Variants in RNF145 observed in about 807,000 individuals in gnomAD.
The protein encoded by RNF145 is ring finger protein 145.
A neutral mutation model predicts 57.3 loss-of-function variants in RNF145; 12 were observed. The observed-to-expected ratio is 0.21, with a 90% CI of 0.13 to 0.34. RNF145 has a LOEUF of 0.34. Ranked by LOEUF, RNF145 falls within the 10% of genes least tolerant of loss-of-function variation. The pLI is 1.00. For synonymous variants in RNF145, 262 were observed against 288.3 expected (o/e 0.91, Z 0.92); for missense variants, 429 against 799.0 (o/e 0.54, Z 5.58).
intron 5 of RNF145, 127 bp from the exon 6 acceptor site, chr5:159,174,285 T>G: frequency 1.5e-6 from 1 of 658,296 alleles, no homozygotes; most frequent in Non-Finnish European, 2.5e-6. Context: ...TTCAGCTAAA[T>G]TCCTTTAAAG....
intron 2 of RNF145, among the ~76,000 whole-genome samples, chr5:159,195,617 T>TA (rs1218745092): frequency 6.6e-6 from 1 of 152,204 alleles, no homozygotes; most frequent in Non-Finnish European, 1.5e-5. Flanking sequence ...GCTCTGTTCA[T>TA]ATGGATTTCC....
rs966496567 is a variant in RNF145, at chr5:159,160,622, TTTG to T, written c.1626+641_1626+643del. ...GATTGATGATTAAACTCTAGGTCTT[TTTG>T]TTGTTGTTTTATTTCCAAAGTGATT... On this transcript the variant is annotated intron_variant, in intron 10 of 10. Coordinates refer to ENST00000424310, the MANE Select transcript of RNF145 (RefSeq NM_001199383.2). Among the ~76,000 whole-genome samples, 19 of 152,328 alleles carry T rather than the reference TTTG, an allele frequency of 1.2e-4. No homozygotes were observed. In the South Asian group the frequency reaches 1.9e-3, roughly 15 times the overall value.
intron 2 of RNF145, among the ~76,000 whole-genome samples, chr5:159,202,472 T>C (rs1302515885): frequency 6.6e-6 from 1 of 152,206 alleles, no homozygotes; most frequent in Non-Finnish European, 1.5e-5. Context: ...TTGTTTCTAG[T>C]GCACCATCTC....
chr5:159,171,159 A>T (rs1024686953), intron 6 of RNF145, among the ~76,000 whole-genome samples: 2 of 152,242 alleles, frequency 1.3e-5, no homozygotes, highest in Non-Finnish European at 2.9e-5. Flanking sequence ...GCTAATAACT[A>T]GAAAAAAATA....
At chr5:159,193,665 C>T (rs558053680) in intron 3 of RNF145, among the ~76,000 whole-genome samples, 46 of 152,246 alleles carry the variant, frequency 3.0e-4, no homozygotes, top group African/African-American at 1.1e-3. Flanking sequence ...TTTACATTTT[C>T]TGTATTTTCC....
At chr5:159,209,058 A>AT (rs1474925546) in intron 1 of RNF145, among the ~76,000 whole-genome samples, 173 bp downstream of exon 1, 1 of 151,042 alleles carries the variant, frequency 6.6e-6, no homozygotes, top group Non-Finnish European at 1.5e-5. Context: ...TGAAGAGGGG[A>AT]TGTGGACTCC....
chr5:159,178,418 T>C (rs1434801780), intron 4 of RNF145, among the ~76,000 whole-genome samples: 2 of 152,008 alleles, frequency 1.3e-5, no homozygotes, highest in East Asian at 3.8e-4. Context: ...TGATCTATTC[T>C]AATGATGGTA....
At chr5:159,207,718 C>T (rs760666634) in intron 1 of RNF145, 9 of 1,612,838 alleles carry the variant, frequency 5.6e-6, no homozygotes, top group Non-Finnish European at 7.6e-6. Flanking sequence ...GCTGGTCCTC[C>T]CCACTCCCAC....
At chr5:159,209,204 A>G (rs1451186494) in intron 1 of RNF145, 27 bp downstream of exon 1, 2 of 967,954 alleles carry the variant, frequency 2.1e-6, no homozygotes, top group African/African-American at 3.6e-5. Context: ...CGGGGATGGG[A>G]AGGGGCCGGG....
chr5:159,194,832 A>G lies in RNF145; in HGVS notation c.185-8T>C. ...CCACACTTAAGATATAACCTGTACCAGAAAGATAAATAAAATACAATTTTA... is the reference window on the plus strand; with the variant it reads ...CCACACTTAAGATATAACCTGTACCGGAAAGATAAATAAAATACAATTTTA... On this transcript the variant is annotated splice_polypyrimidine_tract_variant and splice_region_variant and intron_variant, in intron 2 of 10. Transcript: ENST00000424310. 6.5e-7 allele frequency: 1 copy of G among 1,532,276 alleles called. No individual in the cohort carries two copies. Among genetic ancestry groups the G allele is most frequent in the Non-Finnish European group, 8.9e-7 (1 of 1,120,326 alleles). The allele number at this position is 1,532,276 out of a possible 1,614,324, so 94.9% of individuals were successfully genotyped here. A position where few individuals can be genotyped will look rare whatever the true frequency, so the allele number is the denominator to read the frequency against.
chr5:159,207,591 C>G (rs1261428374), intron 1 of RNF145: 1 of 1,593,242 alleles, frequency 6.3e-7, no homozygotes, highest in South Asian at 1.1e-5. Flanking sequence ...GTAGGCCTCA[C>G]TGAAAATGTT....
intron 3 of RNF145, 73 bp from the exon 4 acceptor site, chr5:159,182,124 C>A: frequency 2.2e-6 from 2 of 893,596 alleles, no homozygotes; most frequent in Non-Finnish European, 3.6e-6. Flanking sequence ...CTTATAAAAG[C>A]ATATTATGTT....
At chr5:159,198,210 C>A (rs576732289) in intron 2 of RNF145, among the ~76,000 whole-genome samples, 21 of 151,236 alleles carry the variant, frequency 1.4e-4, no homozygotes, top group African/African-American at 4.4e-4. Context: ...CCACTGCACT[C>A]CAATCTGGGC....
chr5:159,209,186 G>A, intron 1 of RNF145, 45 bp downstream of exon 1: 1 of 889,974 alleles, frequency 1.1e-6, no homozygotes, highest in Non-Finnish European at 1.3e-6. Context: ...GGAAGCGGCC[G>A]GGGGGCGCGG....
At position 159,159,041 on chromosome 5, in the gene RNF145, A is replaced by G; in HGVS notation, c.1627-6T>C. 2 of 1,604,666 alleles carry G rather than the reference A, an allele frequency of 1.2e-6. No individual in the cohort carries two copies. Among genetic ancestry groups the G allele is most frequent in the Non-Finnish European group, 1.7e-6 (2 of 1,174,160 alleles). ...ATCACAGCAGATTTCATGTCCTAAAAGAGGGGGAAAAAAGATACCTTATAA... is the reference window on the plus strand; with the variant it reads ...ATCACAGCAGATTTCATGTCCTAAAGGAGGGGGAAAAAAGATACCTTATAA... On this transcript the variant is annotated splice_polypyrimidine_tract_variant and splice_region_variant and intron_variant, in intron 10 of 10. Transcript: ENST00000424310.
At chr5:159,194,086 C>G (rs1003534839) in intron 3 of RNF145, among the ~76,000 whole-genome samples, 1 of 152,134 alleles carries the variant, frequency 6.6e-6, no homozygotes, top group Non-Finnish European at 1.5e-5. Context: ...GACAATATGG[C>G]TAAAGAGATA....
intron 3 of RNF145, among the ~76,000 whole-genome samples, chr5:159,190,572 T>C (rs963753149): frequency 2.0e-5 from 3 of 150,734 alleles, no homozygotes; most frequent in Non-Finnish European, 4.4e-5. Flanking sequence ...ACACCTGTAG[T>C]CCCAGCTATT....
chr5:159,186,192 A>T (rs1333617559), intron 3 of RNF145, among the ~76,000 whole-genome samples: 1 of 152,070 alleles, frequency 6.6e-6, no homozygotes, highest in African/African-American at 2.4e-5. Context: ...GCACCACTGC[A>T]CTCCAGCCTG....
At chr5:159,208,188 G>A (rs1193107657) in intron 1 of RNF145, 3 of 1,352,816 alleles carry the variant, frequency 2.2e-6, no homozygotes, top group Non-Finnish European at 2.9e-6. Flanking sequence ...CCAGCTCGCG[G>A]CAAGCAGGCA....
Sources: gnomAD v4.1 joint callset for allele counts (sites outside exome capture counted in the v4.1 genomes callset) on GRCh38, gnomAD v4.1.1 for gene constraint, MANE v1.5 for transcripts, NCBI Gene and HGNC (gene_info 2026-07-23, HGNC 2026-07-21) for gene names.